TENM4: variants seen among roughly 807,000 people sequenced by gnomAD.
TENM4 encodes teneurin transmembrane protein 4, also known as teneurin-4.
TENM4 carries 82 observed loss-of-function variants against 243.3 expected under a neutral mutation model. That is an observed-to-expected ratio of 0.34 (90% confidence interval 0.28 to 0.40). TENM4 has a LOEUF of 0.40. TENM4 is among the 10% of genes least tolerant of loss of function. The pLI is 1.00. For synonymous variants in TENM4, 1,412 were observed against 1,456.3 expected (o/e 0.97, Z 0.69); for missense variants, 3,138 against 3,673.3 (o/e 0.85, Z 3.77).
chr11:79,139,786 T>A (rs1388562503), intron 4 of TENM4, among the ~76,000 whole-genome samples: 2 of 75,396 alleles, frequency 2.7e-5, no homozygotes, highest in East Asian at 3.4e-4. Flanking sequence ...TAATATATAT[T>A]ATATTTATAT....
At chr11:79,035,899 T>A (rs748863850) in intron 6 of TENM4, among the ~76,000 whole-genome samples, 5 of 152,222 alleles carry the variant, frequency 3.3e-5, no homozygotes, top group African/African-American at 1.2e-4. Flanking sequence ...AATGTTGTAT[T>A]TACAGACATT....
Position 79,440,186 on chromosome 11 carries a change from G to C in TENM4, c.-321+323C>G, listed in dbSNP as rs1471309418. On this transcript the variant is annotated intron_variant, in intron 1 of 33. Coordinates refer to ENST00000278550, the MANE Select transcript of TENM4 (RefSeq NM_001098816.3). This position sits in a 1 kb window ranked among gnomAD's most constrained non-coding sequence, Gnocchi z 4.7. ...GGAACGGGATCCGGGAGAGGCAGAC[G>C]AACCTGGGGCGCGCCGCCTCCCTCC... Among the ~76,000 whole-genome samples, 2 of 152,104 alleles carry C rather than the reference G, an allele frequency of 1.3e-5. No homozygotes were observed. The highest frequency in any genetic ancestry group is 1.3e-4 in the Admixed American group (2 of 15,282).
intron 3 of TENM4, among the ~76,000 whole-genome samples, chr11:79,168,675 TC>T (rs1862973084): frequency 6.6e-6 from 1 of 151,874 alleles, no homozygotes; most frequent in African/African-American, 2.4e-5. Flanking sequence ...ACACAATTCT[TC>T]CCCCCTTATA....
At chr11:78,927,015 CAATT>C (rs1273515567) in intron 6 of TENM4, among the ~76,000 whole-genome samples, 1 of 152,134 alleles carries the variant, frequency 6.6e-6, no homozygotes, top group East Asian at 1.9e-4. Context: ...TTTGTACAAA[CAATT>C]AAAATGTTTT....
intron 1 of TENM4, among the ~76,000 whole-genome samples, chr11:79,403,002 T>G (rs1026620900): frequency 2.6e-5 from 4 of 152,216 alleles, no homozygotes; most frequent in African/African-American, 9.6e-5. Flanking sequence ...ACATAAATAT[T>G]GAAATATTTG....
chr11:79,097,391 AC>A (rs747056541), intron 4 of TENM4: 6 of 152,166 alleles, frequency 3.9e-5, no homozygotes, highest in Non-Finnish European at 7.3e-5. Flanking sequence ...CAGAAGTTGC[AC>A]TTTCCAACAT....
intron 4 of TENM4, among the ~76,000 whole-genome samples, chr11:79,072,912 AAT>A (rs1386949166): frequency 3.3e-5 from 5 of 152,232 alleles, no homozygotes; most frequent in Non-Finnish European, 5.9e-5. Flanking sequence ...CAATATAGCT[AAT>A]AGACTCTTAG....
At chr11:79,352,016 T>C (rs969402123) in intron 1 of TENM4, among the ~76,000 whole-genome samples, 7 of 152,132 alleles carry the variant, frequency 4.6e-5, no homozygotes, top group Admixed American at 1.3e-4. Flanking sequence ...ATTTGTAAAA[T>C]CAAGATAATA....
At chr11:78,936,783 G>A (rs968299898) in intron 6 of TENM4, among the ~76,000 whole-genome samples, 1 of 152,182 alleles carries the variant, frequency 6.6e-6, no homozygotes, top group Non-Finnish European at 1.5e-5. Flanking sequence ...TAATCATCCT[G>A]TACTATTGCT....
At chr11:79,366,405 C>T (rs1490417587) in intron 1 of TENM4, among the ~76,000 whole-genome samples, 3 of 152,202 alleles carry the variant, frequency 2.0e-5, no homozygotes, top group Admixed American at 6.5e-5. Flanking sequence ...CCTTATGCAA[C>T]TGCTACTATA....
At chr11:78,847,702 C>T (rs1360929391) in intron 12 of TENM4, among the ~76,000 whole-genome samples, 6 of 152,062 alleles carry the variant, frequency 3.9e-5, no homozygotes, top group African/African-American at 9.7e-5. Context: ...AATTTATTAC[C>T]AAGAGACCTC....
At chr11:78,988,410 A>G (rs1038614559) in intron 6 of TENM4, among the ~76,000 whole-genome samples, 2 of 152,206 alleles carry the variant, frequency 1.3e-5, no homozygotes, top group Non-Finnish European at 2.9e-5. Flanking sequence ...AACTGTGTAA[A>G]ATAATAAATG....
chr11:78,769,655 G>C (rs1419708987), intron 18 of TENM4, among the ~76,000 whole-genome samples: 1 of 152,200 alleles, frequency 6.6e-6, no homozygotes, highest in Admixed American at 6.5e-5. Context: ...CAAGACCTCA[G>C]GAGAACATAG....
chr11:79,061,780 G>C (rs1379703896), intron 6 of TENM4, among the ~76,000 whole-genome samples: 2 of 152,138 alleles, frequency 1.3e-5, no homozygotes, highest in Admixed American at 6.5e-5. Context: ...GTAGGCTTGA[G>C]TTCCAATCTC....
At chr11:78,697,841 C>T (rs1173092612) in intron 28 of TENM4, among the ~76,000 whole-genome samples, 1 of 152,138 alleles carries the variant, frequency 6.6e-6, no homozygotes, top group East Asian at 1.9e-4. Context: ...CTGGAACCTG[C>T]CTCATACTTA....
intron 3 of TENM4, among the ~76,000 whole-genome samples, chr11:79,208,679 C>T (rs142158490): frequency 2.6e-4 from 40 of 152,304 alleles, no homozygotes; most frequent in Non-Finnish European, 5.0e-4. Context: ...GAAATAACAA[C>T]GCTTACCTCA....
At chr11:78,966,739 C>T in intron 6 of TENM4, among the ~76,000 whole-genome samples, 1 of 152,134 alleles carries the variant, frequency 6.6e-6, no homozygotes, top group East Asian at 1.9e-4. Context: ...AAGCCTTCAT[C>T]CTTCACCTGG....
At chr11:79,254,862 T>A (rs958451514) in intron 2 of TENM4, among the ~76,000 whole-genome samples, 2 of 152,166 alleles carry the variant, frequency 1.3e-5, no homozygotes, top group Non-Finnish European at 2.9e-5. Context: ...TCCCTGGGAA[T>A]AATCAGAAAA....
chr11:78,767,286 T>C (rs1475191464), intron 18 of TENM4, among the ~76,000 whole-genome samples: 1 of 152,190 alleles, frequency 6.6e-6, no homozygotes, highest in African/African-American at 2.4e-5. Flanking sequence ...GAATAGTAAG[T>C]GGATAATAAG....
Sources: allele counts gnomAD v4.1 joint callset (sites outside exome capture counted in the v4.1 genomes callset), GRCh38; gene constraint gnomAD v4.1.1; non-coding constraint Gnocchi (gnomAD v3.1); transcripts MANE v1.5; gene names NCBI Gene and HGNC (gene_info 2026-07-23, HGNC 2026-07-21).